LRP1B: variants seen among roughly 807,000 people sequenced by gnomAD.
The protein encoded by LRP1B is low-density lipoprotein receptor-related protein 1B.
In LRP1B, 217 loss-of-function variants were observed where a neutral mutation model predicts 556.6. The observed-to-expected ratio is 0.39, with a 90% CI of 0.35 to 0.44. The LOEUF (loss-of-function observed/expected upper bound fraction) is 0.44, where lower values mean the gene tolerates loss of function less well. Ranked by LOEUF, LRP1B falls within the 20% of genes least tolerant of loss-of-function variation. The pLI is 1.00. For synonymous variants in LRP1B, 2,047 were observed against 1,865.8 expected (o/e 1.10, Z -2.50); for missense variants, 5,053 against 5,620.8 (o/e 0.90, Z 3.23).
chr2:141,945,737 A>G (rs923485999), intron 1 of LRP1B, among the ~76,000 whole-genome samples: 2 of 151,648 alleles, frequency 1.3e-5, no homozygotes, highest in Non-Finnish European at 2.9e-5. Context: ...CCCCATTCCA[A>G]GTTGTACAGA....
At position 141,878,782 on chromosome 2, in the gene LRP1B, A is replaced by C. The variant is rs1216508118; in HGVS notation, c.83-68381T>G. Among the ~76,000 whole-genome samples the C allele has an allele frequency of 2.6e-5, 4 of 151,990 alleles. No homozygotes were observed. In the East Asian group the frequency reaches 7.7e-4, roughly 29 times the overall value. On this transcript the variant is annotated intron_variant, in intron 1 of 90. Coordinates refer to ENST00000389484, the MANE Select transcript of LRP1B (RefSeq NM_018557.3). ...AGTCCAATTACATTTATCCATATGA[A>C]TAGTACTCTATCTTACAATCTATTT...
intron 7 of LRP1B, among the ~76,000 whole-genome samples, chr2:141,187,349 G>A (rs1249432): frequency 1 from 151,953 of 152,210 alleles, 75,848 homozygotes; most frequent in Non-Finnish European, 1. Context: ...AAAGAGTGAC[G>A]AAAGTCCACA....
At chr2:141,211,132 C>T (rs1682523234) in intron 6 of LRP1B, among the ~76,000 whole-genome samples, 1 of 151,716 alleles carries the variant, frequency 6.6e-6, no homozygotes, top group Non-Finnish European at 1.5e-5. Context: ...GGATTACAGG[C>T]ACCCACTACC....
chr2:142,098,791 C>T (rs1706468942), intron 1 of LRP1B, among the ~76,000 whole-genome samples: 1 of 151,792 alleles, frequency 6.6e-6, no homozygotes, highest in Non-Finnish European at 1.5e-5. Flanking sequence ...CTTGATGCCT[C>T]ACGTTATTCT....
At chr2:141,651,323 T>C (rs946967144) in intron 2 of LRP1B, among the ~76,000 whole-genome samples, 3 of 152,152 alleles carry the variant, frequency 2.0e-5, no homozygotes, top group Non-Finnish European at 4.4e-5. Context: ...AACACTTAGT[T>C]AAATATGAAT....
intron 1 of LRP1B, among the ~76,000 whole-genome samples, chr2:142,005,980 C>T (rs1416857771): frequency 6.6e-6 from 1 of 150,812 alleles, no homozygotes; most frequent in Non-Finnish European, 1.5e-5. Context: ...AAAAACAGAA[C>T]AGAAAAAATG....
At chr2:140,541,169 G>T (rs976881097) in intron 44 of LRP1B, 71 bp from the exon 45 acceptor site, 1 of 1,307,992 alleles carries the variant, frequency 7.6e-7, no homozygotes, top group Non-Finnish European at 1.1e-6. Context: ...AATATTAATC[G>T]TAAACTATTA....
chr2:140,653,552 G>C lies in LRP1B; in HGVS notation c.6799+46698C>G, dbSNP rs187012227. ...ACTATGGAATTAAATATGGTGATAT[G>C]GTAGAAAATAGGTATTGGGCTGTAA... On this transcript the variant is annotated intron_variant, in intron 41 of 90. Transcript: ENST00000389484. 5.9e-5 allele frequency among the ~76,000 whole-genome samples: 9 copies of C among 152,038 alleles called. No individual in the cohort carries two copies. In the East Asian group the frequency reaches 1.7e-3, roughly 29 times the overall value.
chr2:140,468,636 C>A (rs1235402801), intron 60 of LRP1B, among the ~76,000 whole-genome samples: 7 of 152,196 alleles, frequency 4.6e-5, no homozygotes, highest in African/African-American at 1.7e-4. Context: ...GAGGCAGGCC[C>A]CCCTGGAACT....
chr2:141,425,490 G>A (rs1005645656), intron 3 of LRP1B, among the ~76,000 whole-genome samples: 25 of 151,420 alleles, frequency 1.7e-4, no homozygotes, highest in East Asian at 5.9e-4. Context: ...CTGAGGAATC[G>A]CCACACTGAC....
rs116674762 is a variant in LRP1B at position 140,679,066 on chromosome 2, C to T, written c.6799+21184G>A. ...TGCTGGGACTACAGGCATGAGCCAC[C>T]ACGCCCGGCCAGGCCTCTCTCTTTT... On this transcript the variant is annotated intron_variant, in intron 41 of 90. Coordinates refer to ENST00000389484, the MANE Select transcript of LRP1B (RefSeq NM_018557.3). 0.011 allele frequency among the ~76,000 whole-genome samples: 1,701 copies of T among 152,200 alleles called. 78 individuals are homozygous for T. The East Asian group carries it at 0.16, about 14-fold the overall frequency.
intron 2 of LRP1B, among the ~76,000 whole-genome samples, chr2:141,779,825 G>A (rs1420892139): frequency 1.3e-5 from 2 of 151,758 alleles, no homozygotes; most frequent in Non-Finnish European, 2.9e-5. Flanking sequence ...CAACCCAGAT[G>A]TCTCTGATTC....
chr2:140,585,811 A>T (rs532706231), intron 43 of LRP1B, among the ~76,000 whole-genome samples: 5 of 152,318 alleles, frequency 3.3e-5, no homozygotes, highest in African/African-American at 7.2e-5. Flanking sequence ...TAGACAACAC[A>T]ATCAACCATC....
At chr2:141,465,441 G>T (rs1682150447) in intron 3 of LRP1B, among the ~76,000 whole-genome samples, 1 of 152,000 alleles carries the variant, frequency 6.6e-6, no homozygotes, top group Non-Finnish European at 1.5e-5. Flanking sequence ...CATTAATCTG[G>T]CTTTCCTCAG....
At chr2:141,939,579 A>G (rs1365953788) in intron 1 of LRP1B, among the ~76,000 whole-genome samples, 1 of 152,146 alleles carries the variant, frequency 6.6e-6, no homozygotes, top group African/African-American at 2.4e-5. Context: ...TAAGCAATAA[A>G]TTATACTAAA....
chr2:141,200,782 G>A (rs1004613959), intron 6 of LRP1B, among the ~76,000 whole-genome samples: 1 of 152,058 alleles, frequency 6.6e-6, no homozygotes, highest in Admixed American at 6.6e-5. Flanking sequence ...ATGAGCAAAG[G>A]TCCTATATGT....
chr2:140,915,492 GA>G (rs11324865), intron 21 of LRP1B, among the ~76,000 whole-genome samples: 117,663 of 149,552 alleles, frequency 0.79, 46,358 homozygotes, highest in East Asian at 0.95. Context: ...CTACTAAAAA[GA>G]AAAAAAAAAA....
At chr2:140,968,844 G>A (rs1031419600) in intron 18 of LRP1B, among the ~76,000 whole-genome samples, 18 of 152,218 alleles carry the variant, frequency 1.2e-4, no homozygotes, top group African/African-American at 4.3e-4. Context: ...GCGGTTTTGA[G>A]TGAGTTTCTT....
At chr2:140,305,305 ATTTG>A (rs1295027360) in intron 83 of LRP1B, among the ~76,000 whole-genome samples, 2 of 152,122 alleles carry the variant, frequency 1.3e-5, no homozygotes, top group East Asian at 1.9e-4. Context: ...AATTTCTTCC[ATTTG>A]TTTGTGTCCT....
Sources: gnomAD v4.1 joint callset for allele counts (sites outside exome capture counted in the v4.1 genomes callset) on GRCh38, gnomAD v4.1.1 for gene constraint, MANE v1.5 for transcripts, NCBI Gene and HGNC (gene_info 2026-07-23, HGNC 2026-07-21) for gene names.